DACH2: variants seen among roughly 807,000 people sequenced by gnomAD.
DACH2 encodes the protein dachshund family transcription factor 2, also known as dachshund homolog 2.
DACH2 carries 17 observed loss-of-function variants against 35.8 expected under a neutral mutation model. That is an observed-to-expected ratio of 0.48 (90% CI 0.33 to 0.71). The LOEUF (loss-of-function observed/expected upper bound fraction) is 0.71. Ranked by LOEUF, DACH2 falls within the 30% of genes least tolerant of loss-of-function variation. The pLI, the probability that DACH2 is intolerant of heterozygous loss-of-function variation, is 0.02. For synonymous variants in DACH2, 195 were observed against 177.3 expected, an observed-to-expected ratio of 1.10 and a Z score of -0.79; for missense variants, 469 against 472.7, an observed-to-expected ratio of 0.99 and a Z score of 0.07.
chrX:86,496,318 C>T (rs1045062915), intron 2 of DACH2, among the ~76,000 whole-genome samples: 7 of 110,606 alleles, frequency 6.3e-5, no homozygotes, highest in South Asian at 3.8e-4. Context: ...ATCCTTAGGA[C>T]GTTTTTCTTG....
chrX:86,416,677 C>T (rs1009035205), intron 2 of DACH2, among the ~76,000 whole-genome samples: 8 of 111,294 alleles, frequency 7.2e-5, no homozygotes, highest in Admixed American at 4.8e-4. Flanking sequence ...GTGGTGCCAG[C>T]ATCGGCTTCT....
chrX:86,412,074 G>T (rs183366592), intron 2 of DACH2, among the ~76,000 whole-genome samples: 39 of 111,398 alleles, frequency 3.5e-4, no homozygotes, highest in African/African-American at 1.1e-3. Context: ...GATAGTCTGG[G>T]TCAATCACCC....
chrX:86,505,864 C>A (rs1447010951), intron 2 of DACH2, among the ~76,000 whole-genome samples: 1 of 111,792 alleles, frequency 8.9e-6, no homozygotes, highest in African/African-American at 3.2e-5. Flanking sequence ...GAATTATCTG[C>A]ATCTGACCTG....
chrX:86,455,986 A>T (rs542042702), intron 2 of DACH2, among the ~76,000 whole-genome samples: 3 of 111,843 alleles, frequency 2.7e-5, no homozygotes, highest in South Asian at 7.4e-4. Context: ...TCATGAGGGG[A>T]TCTCCTGATC....
intron 4 of DACH2, among the ~76,000 whole-genome samples, chrX:86,656,845 A>ATGTGTGTG (rs200143799): frequency 1.3e-5 from 1 of 78,541 alleles, no homozygotes; most frequent in African/African-American, 5.1e-5. Context: ...ATTAAAATAC[A>ATGTGTGTG]TGTGTGTGTG....
chrX:86,569,467 G>A (rs1035061086), intron 3 of DACH2, among the ~76,000 whole-genome samples: 1 of 110,903 alleles, frequency 9.0e-6, no homozygotes, highest in African/African-American at 3.3e-5. Context: ...TTCTAAAAAA[G>A]GAGAGGATGA....
At chrX:86,330,136 G>T (rs1602410186) in intron 1 of DACH2, among the ~76,000 whole-genome samples, 1 of 112,242 alleles carries the variant, frequency 8.9e-6, no homozygotes, top group African/African-American at 3.2e-5. Flanking sequence ...TTTTAAGAAA[G>T]AGGACAATTT....
At chrX:86,577,354 A>C (rs1176468336) in intron 3 of DACH2, among the ~76,000 whole-genome samples, 1 of 110,857 alleles carries the variant, frequency 9.0e-6, no homozygotes, top group African/African-American at 3.3e-5. Context: ...TTTATAGCAA[A>C]ATTCTCTATT....
intron 6 of DACH2, among the ~76,000 whole-genome samples, chrX:86,736,877 A>T (rs1054440421): frequency 1.8e-5 from 2 of 111,481 alleles, no homozygotes; most frequent in African/African-American, 6.5e-5. Flanking sequence ...TAGTTCATTG[A>T]ATTACACATA....
intron 3 of DACH2, among the ~76,000 whole-genome samples, chrX:86,526,979 CA>C (rs1482008575): frequency 8.2e-5 from 9 of 109,764 alleles, no homozygotes; most frequent in Non-Finnish European, 1.1e-4. Flanking sequence ...CCTTATTTGA[CA>C]ATATATGAAG....
In DACH2 at chrX:86,387,920, T is replaced by C. The variant is rs185100311; in HGVS notation, c.527+11058T>C. Among the ~76,000 whole-genome samples, 368 of 112,396 alleles carry C rather than the reference T, an allele frequency of 3.3e-3. 2 individuals are homozygous for C. Among genetic ancestry groups the C allele is most frequent in the African/African-American group, 0.011 (352 of 30,985 alleles). On this transcript the variant is annotated intron_variant, in intron 2 of 11. Transcript: ENST00000373125. ...CAGAAACATACAGTTGAAATGGCTA[T>C]ATATGCAAAAAAAGCCCCCAAACTT...
intron 7 of DACH2, among the ~76,000 whole-genome samples, chrX:86,766,252 G>A (rs1264671507): frequency 2.7e-5 from 3 of 111,380 alleles, no homozygotes; most frequent in South Asian, 7.5e-4. Flanking sequence ...TTCGTAAATC[G>A]TTCCTAATTG....
intron 2 of DACH2, among the ~76,000 whole-genome samples, chrX:86,457,270 C>A (rs1158420334): frequency 9.0e-6 from 1 of 111,725 alleles, no homozygotes; most frequent in African/African-American, 3.3e-5. Context: ...TAACGGTTCT[C>A]TAAGTAACAG....
intron 3 of DACH2, among the ~76,000 whole-genome samples, chrX:86,638,983 C>T (rs1039227331): frequency 2.5e-4 from 28 of 111,758 alleles, no homozygotes; most frequent in Admixed American, 9.5e-5. Context: ...GCACTAGTCA[C>T]GATAGCAAAG....
intron 1 of DACH2, among the ~76,000 whole-genome samples, chrX:86,298,555 T>A (rs765895109): frequency 4.6e-4 from 52 of 111,993 alleles, no homozygotes; most frequent in African/African-American, 1.6e-3. Context: ...TTATGGAGCT[T>A]ACTTAGGTTT....
intron 1 of DACH2, among the ~76,000 whole-genome samples, chrX:86,318,293 C>G (rs777670911): frequency 1.8e-5 from 2 of 111,729 alleles, no homozygotes; most frequent in South Asian, 7.4e-4. Context: ...ATTCCATTAA[C>G]TCTCATTCTG....
chrX:86,202,667 G>A (rs1206440343), intron 1 of DACH2, among the ~76,000 whole-genome samples: 1 of 111,120 alleles, frequency 9.0e-6, no homozygotes, highest in African/African-American at 3.3e-5. Context: ...TTGGTTAGAG[G>A]AAAAGGAGAC....
intron 1 of DACH2, among the ~76,000 whole-genome samples, chrX:86,325,076 T>A (rs1414298373): frequency 1.3e-5 from 1 of 76,786 alleles, no homozygotes; most frequent in African/African-American, 5.8e-5. Context: ...TAAACATAAC[T>A]TTTCTATGCA....
intron 2 of DACH2, among the ~76,000 whole-genome samples, chrX:86,393,380 C>A (rs553963959): frequency 2.7e-5 from 3 of 112,080 alleles, no homozygotes; most frequent in African/African-American, 9.7e-5. Flanking sequence ...TCATTGTATT[C>A]CCATTGCTCA....
Sources: gnomAD v4.1 joint callset for allele counts (sites outside exome capture counted in the v4.1 genomes callset) on GRCh38, gnomAD v4.1.1 for gene constraint, MANE v1.5 for transcripts, NCBI Gene and HGNC (gene_info 2026-07-23, HGNC 2026-07-21) for gene names.